OR51B5: variants seen among roughly 807,000 people sequenced by gnomAD.
OR51B5 encodes olfactory receptor 51B5.
For synonymous variants in OR51B5, 186 were observed against 144.8 expected, an observed-to-expected ratio of 1.28 and a Z score of -2.04; for missense variants, 456 against 374.6, an observed-to-expected ratio of 1.22 and a Z score of -1.79.
chr11:5,460,447 G>T (rs558935539), intron 1 of OR51B5, among the ~76,000 whole-genome samples: 1 of 145,210 alleles, frequency 6.9e-6, no homozygotes, highest in African/African-American at 2.6e-5. Flanking sequence ...AGTTCAGTTT[G>T]GTTTGTTCTT....
At chr11:5,451,390 T>C (rs1315835733) in intron 1 of OR51B5, among the ~76,000 whole-genome samples, 1 of 152,238 alleles carries the variant, frequency 6.6e-6, no homozygotes, top group Non-Finnish European at 1.5e-5. Flanking sequence ...GATTACTTTC[T>C]ACAAGACTTT....
chr11:5,367,070 C>G lies in OR51B5; in HGVS notation n.85-20160G>C, dbSNP rs577519521. 2.6e-5 allele frequency among the ~76,000 whole-genome samples: 4 copies of G among 152,300 alleles called. No homozygotes were observed. The East Asian group carries it at 7.7e-4, about 29-fold the overall frequency. Reference sequence around the variant, plus strand: ...GCAGCAGAGACCAAAGACATTCTCTCAAGTCTCAGGAATGTGGTTCTGAAG... The same window carrying G: ...GCAGCAGAGACCAAAGACATTCTCTGAAGTCTCAGGAATGTGGTTCTGAAG... On this transcript the variant is annotated intron_variant and non_coding_transcript_variant, in intron 1 of 4. Transcript: ENST00000415970.
rs1180181220 is a variant in OR51B5, at chr11:5,416,623, T to C, written n.85-69713A>G. Reference sequence around the variant, plus strand: ...TGTACAAAAATCACAAGCATTCTTATACACCAATAATAGACAAACAGAGAG... The same window carrying C: ...TGTACAAAAATCACAAGCATTCTTACACACCAATAATAGACAAACAGAGAG... On this transcript the variant is annotated intron_variant and non_coding_transcript_variant, in intron 1 of 4. Coordinates refer to the OR51B5 transcript ENST00000415970. 4.0e-5 allele frequency among the ~76,000 whole-genome samples: 6 copies of C among 149,440 alleles called. No homozygotes were observed. In the South Asian group the frequency reaches 8.7e-4, roughly 22 times the overall value.
chr11:5,450,887 A>G (rs1189947603), intron 1 of OR51B5, among the ~76,000 whole-genome samples: 4 of 152,256 alleles, frequency 2.6e-5, no homozygotes, highest in Admixed American at 2.6e-4. Flanking sequence ...TGTCCCTGCA[A>G]AGGACATGAC....
At chr11:5,394,123 G>C (rs961044519) in intron 1 of OR51B5, among the ~76,000 whole-genome samples, 1 of 152,036 alleles carries the variant, frequency 6.6e-6, no homozygotes, top group African/African-American at 2.4e-5. Context: ...AAACTCAGTA[G>C]AAGGTACTGA....
In OR51B5 at chr11:5,414,987, A is replaced by G. The variant is rs550617757; in HGVS notation, n.85-68077T>C. On this transcript the variant is annotated intron_variant and non_coding_transcript_variant, in intron 1 of 4. Transcript: ENST00000415970. ...CAGAATATACATTTTTTTCAGCACC[A>G]CACCACACCTATTCCAAAATTGACC... is the stretch of plus-strand genomic sequence containing the variant. 4.3e-3 allele frequency among the ~76,000 whole-genome samples: 650 copies of G among 152,232 alleles called. 2 individuals are homozygous for G. The highest frequency in any genetic ancestry group is 0.02 in the Middle Eastern group (6 of 294).
intron 1 of OR51B5, among the ~76,000 whole-genome samples, chr11:5,363,284 C>T (rs1849314553): frequency 8.3e-6 from 1 of 119,792 alleles, no homozygotes; most frequent in Admixed American, 8.3e-5. Context: ...CACACACACA[C>T]ACCGGTGAGT....
chr11:5,397,211 A>G (rs577237561), intron 1 of OR51B5, among the ~76,000 whole-genome samples: 4 of 152,236 alleles, frequency 2.6e-5, no homozygotes, highest in Non-Finnish European at 4.4e-5. Context: ...AATGGGATCT[A>G]ATTAAACTAA....
intron 1 of OR51B5, among the ~76,000 whole-genome samples, chr11:5,400,170 C>T (rs1416345029): frequency 1.3e-5 from 2 of 152,150 alleles, no homozygotes; most frequent in Non-Finnish European, 1.5e-5. Flanking sequence ...CCCTGCCCTA[C>T]ATTTTAACAT....
At chr11:5,343,608 A>C (rs1848942284), upstream of OR51B5, 5 of 581,206 alleles carry the variant, frequency 8.6e-6, no homozygotes, top group East Asian at 1.4e-4. Context: ...CACTTCGACT[A>C]TATCATTCTC....
chr11:5,456,059 T>C (rs908590631), intron 1 of OR51B5: 18 of 152,352 alleles, frequency 1.2e-4, no homozygotes, highest in Admixed American at 1.2e-3. Context: ...TTTGATATTT[T>C]AGTTTCAAAT....
chr11:5,470,634 T>G lies in OR51B5; in HGVS notation n.84+34935A>C, dbSNP rs148013756. On this transcript the variant is annotated intron_variant and non_coding_transcript_variant, in intron 1 of 4. Transcript: ENST00000415970. The stretch of plus-strand genomic sequence containing the variant: ...AAATTGAACTTTATGTCAATTATCA[T>G]GTTTTATCCTCTTCAAAGTTATCAT... 1.6e-3 allele frequency among the ~76,000 whole-genome samples: 242 copies of G among 152,338 alleles called. 2 individuals are homozygous for G. The highest frequency in any genetic ancestry group is 5.6e-3 in the African/African-American group (234 of 41,584).
chr11:5,494,100 T>C (rs1167521879), intron 1 of OR51B5, among the ~76,000 whole-genome samples: 1 of 152,182 alleles, frequency 6.6e-6, no homozygotes, highest in Non-Finnish European at 1.5e-5. Context: ...CATACAAGTA[T>C]TGCTAGCAAA....
At chr11:5,437,749 G>A (rs982599404) in intron 1 of OR51B5, among the ~76,000 whole-genome samples, 12 of 152,072 alleles carry the variant, frequency 7.9e-5, no homozygotes, top group East Asian at 1.9e-4. Context: ...GTTCTCTTGC[G>A]GGTTTTGATT....
At chr11:5,363,102 G>T (rs567660893) in intron 1 of OR51B5, among the ~76,000 whole-genome samples, 1 of 152,134 alleles carries the variant, frequency 6.6e-6, no homozygotes, top group South Asian at 2.1e-4. Context: ...TCCTCCATGA[G>T]AGAAAGCTTA....
At chr11:5,408,336 T>A (rs1850091676) in intron 1 of OR51B5, among the ~76,000 whole-genome samples, 1 of 148,594 alleles carries the variant, frequency 6.7e-6, no homozygotes, top group African/African-American at 2.5e-5. Flanking sequence ...AATTCTTTCC[T>A]TCCTTCCCTT....
At chr11:5,477,782 C>G (rs1456212608) in intron 1 of OR51B5, among the ~76,000 whole-genome samples, 2 of 152,198 alleles carry the variant, frequency 1.3e-5, no homozygotes, top group African/African-American at 4.8e-5. Context: ...TCACTCCCAC[C>G]TGAATATTGC....
At chr11:5,345,931 C>G (rs145855373), upstream of OR51B5, 4 of 152,056 alleles carry the variant, frequency 2.6e-5, no homozygotes, top group African/African-American at 9.7e-5. Context: ...TCAGTGCCTA[C>G]TGAACATACA....
rs751188077 is a variant in OR51B5, at chr11:5,500,391, A to G, written n.84+5178T>C. ...CTTACTGGCTCTGTTTCCCTGAAAA[A>G]CAGACAACTGTAAAATACCAATTAT... On this transcript the variant is annotated intron_variant and non_coding_transcript_variant, in intron 1 of 4. Transcript: ENST00000415970. 1.3e-5 allele frequency among the ~76,000 whole-genome samples: 2 copies of G among 149,594 alleles called. 1 individual carries two copies. The highest frequency in any genetic ancestry group is 1.4e-4 in the Admixed American group (2 of 14,664).
Sources: gnomAD v4.1 joint callset for allele counts (sites outside exome capture counted in the v4.1 genomes callset) on GRCh38, gnomAD v4.1.1 for gene constraint, MANE v1.5 for transcripts, NCBI Gene and HGNC (gene_info 2026-07-23, HGNC 2026-07-21) for gene names.